The following CORIN variants were observed in gnomAD, a reference collection of about 807,000 sequenced individuals.
CORIN encodes corin, serine peptidase, also known as atrial natriuretic peptide-converting enzyme.
CORIN carries 117 observed loss-of-function variants against 125.3 expected under a neutral mutation model. The observed-to-expected ratio is 0.93, with a 90% CI of 0.80 to 1.09. The LOEUF (loss-of-function observed/expected upper bound fraction) is 1.09, where lower values mean the gene tolerates loss of function less well. CORIN is among the 50% of genes least tolerant of loss of function. The pLI, the probability that CORIN is intolerant of heterozygous loss-of-function variation, is 0.00. For synonymous variants in CORIN, 450 were observed against 466.4 expected (o/e 0.96, Z 0.45); for missense variants, 1,253 against 1,306.7 (o/e 0.96, Z 0.63).
intron 5 of CORIN, chr4:47,707,109 A>G (rs1726606939): frequency 1.4e-6 from 2 of 1,408,676 alleles, no homozygotes; most frequent in East Asian, 2.5e-5. Context: ...TTGTCAAATT[A>G]AGAAAGTTAA....
intron 6 of CORIN, among the ~76,000 whole-genome samples, chr4:47,688,428 T>C (rs972389208): frequency 6.6e-6 from 1 of 152,050 alleles, no homozygotes; most frequent in Non-Finnish European, 1.5e-5. Flanking sequence ...TGGCAAAACC[T>C]TGTTTCTACA....
intron 4 of CORIN, among the ~76,000 whole-genome samples, chr4:47,751,616 C>T (rs1014697521): frequency 6.6e-6 from 1 of 152,150 alleles, no homozygotes; most frequent in African/African-American, 2.4e-5. Context: ...CAGTTACCTC[C>T]TCCCTGCTAG....
intron 5 of CORIN, among the ~76,000 whole-genome samples, chr4:47,743,799 T>G (rs1728529358): frequency 6.6e-6 from 1 of 151,886 alleles, no homozygotes; most frequent in Admixed American, 6.6e-5. Flanking sequence ...GCAGGAGAAT[T>G]GCTCGAACCC....
At chr4:47,758,468 G>T (rs972607407) in intron 4 of CORIN, among the ~76,000 whole-genome samples, 2 of 151,890 alleles carry the variant, frequency 1.3e-5, no homozygotes, top group Admixed American at 1.3e-4. Flanking sequence ...CACAGAAACA[G>T]AAAAAATAAT....
At chr4:47,786,101 C>A (rs1463915083) in intron 3 of CORIN, among the ~76,000 whole-genome samples, 1 of 152,116 alleles carries the variant, frequency 6.6e-6, no homozygotes, top group Admixed American at 6.6e-5. Context: ...CACAGATGAA[C>A]CACTACAAAA....
At position 47,786,809 on chromosome 4, in the gene CORIN, C is replaced by A. The variant is rs758714638; in HGVS notation, c.325G>T (p.Val109Leu). ...TGTTGGTCGGGATGTGCAGTAGACA[C>A]CACAGTGCTCTGGTTATAAATTGTA... ...TNTIYNQSTV[V>L]STAHPDQHVP... is the part of the protein sequence containing the mutation. The change falls in exon 3 of 22, where the codon GTG (valine) becomes TTG (leucine). Residue 109 changes from valine to leucine, a missense_variant. Transcript: ENST00000273857. The A allele has an allele frequency of 1.9e-6, 3 of 1,614,072 alleles. No individual in the cohort carries two copies. The highest frequency in any genetic ancestry group is 1.7e-5 in the Admixed American group (1 of 60,010).
chr4:47,815,774 T>C (rs1359742756), intron 1 of CORIN, among the ~76,000 whole-genome samples: 1 of 152,166 alleles, frequency 6.6e-6, no homozygotes, highest in Non-Finnish European at 1.5e-5. Context: ...TATCCATTTC[T>C]TGGGAAATTA....
chr4:47,785,909 C>CAAAAAAAAAAAAAAA (rs11313881), intron 3 of CORIN, among the ~76,000 whole-genome samples: 1 of 80,500 alleles, frequency 1.2e-5, no homozygotes, highest in Non-Finnish European at 2.4e-5. Context: ...GACTCCATCT[C>CAAAAAAAAAAAAAAA]AAAAAAAAAA....
chr4:47,801,633 T>C (rs1480432031), intron 2 of CORIN, among the ~76,000 whole-genome samples: 1 of 151,816 alleles, frequency 6.6e-6, no homozygotes, highest in African/African-American at 2.4e-5. Flanking sequence ...AGAGGGAGAG[T>C]GCAGCAATTA....
intron 5 of CORIN, among the ~76,000 whole-genome samples, chr4:47,708,561 T>C (rs766975500): frequency 9.2e-5 from 14 of 152,092 alleles, no homozygotes; most frequent in Non-Finnish European, 2.1e-4. Flanking sequence ...TGGACATCTT[T>C]GGGGGGGTCA....
At chr4:47,742,978 A>G (rs1421764939) in intron 5 of CORIN, among the ~76,000 whole-genome samples, 2 of 152,152 alleles carry the variant, frequency 1.3e-5, no homozygotes, top group African/African-American at 4.8e-5. Flanking sequence ...TACAGTGCAG[A>G]GGGAAAAATT....
At chr4:47,605,433 C>T (rs1222828639) in intron 19 of CORIN, among the ~76,000 whole-genome samples, 3 of 152,168 alleles carry the variant, frequency 2.0e-5, no homozygotes, top group Non-Finnish European at 4.4e-5. Context: ...TTCTTCATCA[C>T]TCCCTCCATC....
At chr4:47,655,362 A>G (rs1004773876) in intron 12 of CORIN, among the ~76,000 whole-genome samples, 1 of 152,082 alleles carries the variant, frequency 6.6e-6, no homozygotes, top group Non-Finnish European at 1.5e-5. Context: ...TAGAACATCA[A>G]GTGAATTCTT....
At chr4:47,668,629 C>G (rs1724587128) in intron 10 of CORIN, among the ~76,000 whole-genome samples, 1 of 152,172 alleles carries the variant, frequency 6.6e-6, no homozygotes. Context: ...CCCTCCGTTT[C>G]TTTCTTTCTA....
Position 47,595,858 on chromosome 4 carries a change from A to T in CORIN, c.2992T>A (p.Trp998Arg). 6.2e-7 allele frequency: 1 copy of T among 1,613,742 alleles called. No individual in the cohort carries two copies. The highest frequency in any genetic ancestry group is 8.5e-7 in the Non-Finnish European group (1 of 1,179,830). Residue 998 changes from tryptophan (W) to arginine (R), a missense_variant, in exon 22 of 22, where the codon TGG (tryptophan) becomes AGG (arginine). Coordinates refer to ENST00000273857, the MANE Select transcript of CORIN (RefSeq NM_006587.4). ...CATGAAGTTAATCCAAATAATGTCC[A>T]CCGTCCTCCAGGCTTCTCACAAACA... is the stretch of plus-strand genomic sequence containing the variant. ...PLVCEKPGGRWTLFGLTSWGS... is the reference protein window; with the variant it reads ...PLVCEKPGGRRTLFGLTSWGS...
In CORIN at chr4:47,793,327, G is replaced by A. The variant is rs76060263; in HGVS notation, c.209-6402C>T. On this transcript the variant is annotated intron_variant, in intron 2 of 21. Coordinates refer to ENST00000273857, the MANE Select transcript of CORIN (RefSeq NM_006587.4). ...TCGTTGAACGTATGAATGATGAATG[G>A]ACTAATGGAAATGGCTGATATTGCC... Among the ~76,000 whole-genome samples the A allele has an allele frequency of 9.0e-3, 1,371 of 152,286 alleles. 26 individuals are homozygous for A. Among genetic ancestry groups the A allele is most frequent in the African/African-American group, 0.031 (1,293 of 41,548 alleles).
rs928940884 is a variant in CORIN, at chr4:47,645,130, G to C, written c.1908C>G (p.Ile636Met). ...SNKQCLKHTVICDGFPDCPDY... is the reference protein window; with the variant it reads ...SNKQCLKHTVMCDGFPDCPDY... ...CAGGGCAGTCTGGGAACCCATCGCA[G>C]ATCACTGTGTGCTTCAAACATTGTT... Residue 636 changes from isoleucine (I) to methionine (M), a missense_variant, in exon 14 of 22, where the codon ATC becomes ATG. Coordinates refer to ENST00000273857, the MANE Select transcript of CORIN (RefSeq NM_006587.4). 2 of 1,613,124 alleles carry C rather than the reference G, an allele frequency of 1.2e-6. No individual in the cohort carries two copies. Among genetic ancestry groups the C allele is most frequent in the Non-Finnish European group, 1.7e-6 (2 of 1,179,558 alleles).
intron 5 of CORIN, among the ~76,000 whole-genome samples, chr4:47,695,836 T>A (rs1039013383): frequency 6.6e-6 from 1 of 152,200 alleles, no homozygotes; most frequent in Non-Finnish European, 1.5e-5. Flanking sequence ...ATTTGGTAGT[T>A]TACAAATGAA....
chr4:47,765,603 C>G (rs764737454), intron 3 of CORIN, among the ~76,000 whole-genome samples: 1 of 152,142 alleles, frequency 6.6e-6, no homozygotes, highest in Non-Finnish European at 1.5e-5. Context: ...CCCCCATCAT[C>G]GAGAAGTACC....
Sources: allele counts gnomAD v4.1 joint callset (sites outside exome capture counted in the v4.1 genomes callset), GRCh38; gene constraint gnomAD v4.1.1; transcripts MANE v1.5; gene names NCBI Gene and HGNC (gene_info 2026-07-23, HGNC 2026-07-21).